The following PSMD1 variants were observed in gnomAD, a reference collection of about 807,000 sequenced individuals.
The protein encoded by PSMD1 is proteasome 26S subunit, non-ATPase 1.
PSMD1 carries 18 observed loss-of-function variants against 119.0 expected under a neutral mutation model. The ratio of observed to expected loss-of-function variants is 0.15; its 90% CI spans 0.10 to 0.22. The LOEUF (loss-of-function observed/expected upper bound fraction) is 0.22, where lower values mean the gene tolerates loss of function less well. Ranked by LOEUF, PSMD1 falls within the 10% of genes least tolerant of loss-of-function variation. The probability of loss-of-function intolerance (pLI) is 1.00; values close to 1 mark genes in which losing one functional copy is unlikely to be tolerated. For missense variants in PSMD1, 702 were observed against 1,158.5 expected (o/e 0.61, Z 5.72); for synonymous variants, 374 against 396.6 (o/e 0.94, Z 0.68).
At chr2:231,103,451 C>T (rs1481235340) in intron 16 of PSMD1, among the ~76,000 whole-genome samples, 1 of 152,160 alleles carries the variant, frequency 6.6e-6, no homozygotes, top group Non-Finnish European at 1.5e-5. Context: ...ATAGAAGTGT[C>T]CAGTGTTCTT....
Position 231,078,645 on chromosome 2 carries a change from A to T in PSMD1, c.1072-14A>T. ...TTTGCCAGTGATGAAACAATTCTGT[A>T]TTTGTTGTTGCAGGATGCAGTACGG... On this transcript the variant is annotated splice_polypyrimidine_tract_variant and intron_variant, in intron 9 of 24. Coordinates refer to ENST00000308696, the MANE Select transcript of PSMD1 (RefSeq NM_002807.4). 1 of 1,591,616 alleles carries T rather than the reference A, an allele frequency of 6.3e-7. No individual in the cohort carries two copies. The highest frequency in any genetic ancestry group is 8.5e-7 in the Non-Finnish European group (1 of 1,170,602).
chr2:231,088,910 A>G (rs1694518708), intron 16 of PSMD1, among the ~76,000 whole-genome samples: 1 of 152,240 alleles, frequency 6.6e-6, no homozygotes, highest in Non-Finnish European at 1.5e-5. Flanking sequence ...TTGTGAATGC[A>G]AAGAAAAAGT....
intron 19 of PSMD1, among the ~76,000 whole-genome samples, chr2:231,158,622 A>G (rs565753055): frequency 6.6e-6 from 1 of 152,338 alleles, no homozygotes; most frequent in South Asian, 2.1e-4. Flanking sequence ...CACGTTAGCT[A>G]GGCATCGTTT....
chr2:231,062,137 A>T, intron 2 of PSMD1, 111 bp from the exon 3 acceptor site: 1 of 667,638 alleles, frequency 1.5e-6, no homozygotes, highest in Non-Finnish European at 2.6e-6. Flanking sequence ...ATAGAGTAAA[A>T]GTTTGAGTAA....
rs770705671 is a variant in PSMD1, at chr2:231,077,075, T to C, written c.984T>C (p.Ile328=). The change falls in exon 9 of 25, where the codon ATT becomes ATC. Residue 328 remains isoleucine (I), a synonymous_variant. Coordinates refer to ENST00000308696, the MANE Select transcript of PSMD1 (RefSeq NM_002807.4). ...ACCAGACTTTGAAAATGATTAAAAT[T>C]TTAAGTGGTGAAATGGCTATTGAGT... The part of the protein sequence containing the change: ...PKDQTLKMIK[I]LSGEMAIELH... 1.2e-6 allele frequency: 2 copies of C among 1,607,596 alleles called. No homozygotes were observed. The highest frequency in any genetic ancestry group is 1.1e-5 in the South Asian group (1 of 89,902).
intron 17 of PSMD1, among the ~76,000 whole-genome samples, chr2:231,144,692 GCACA>G (rs1696213042): frequency 1.3e-5 from 2 of 152,070 alleles, no homozygotes; most frequent in Non-Finnish European, 1.5e-5. Flanking sequence ...GGGATTACAG[GCACA>G]AGCCACCACG....
At chr2:231,071,968 T>C (rs745754758) in intron 6 of PSMD1, among the ~76,000 whole-genome samples, 9 of 152,222 alleles carry the variant, frequency 5.9e-5, no homozygotes, top group Non-Finnish European at 1.0e-4. Context: ...TTAAGAGTTA[T>C]AAATATAATT....
chr2:231,075,749 A>G (rs1006772535), intron 8 of PSMD1, among the ~76,000 whole-genome samples, 178 bp downstream of exon 8: 3 of 152,030 alleles, frequency 2.0e-5, no homozygotes, highest in African/African-American at 7.2e-5. Context: ...ACGCCTGGCT[A>G]AGTTTTGTAT....
At chr2:231,057,625 C>T (rs921425884) in intron 1 of PSMD1, among the ~76,000 whole-genome samples, 12 of 152,178 alleles carry the variant, frequency 7.9e-5, no homozygotes, top group African/African-American at 2.9e-4. Context: ...CTAAAGACGC[C>T]CTGGAGATAC....
At chr2:231,068,875 T>G (rs546564054) in intron 5 of PSMD1, among the ~76,000 whole-genome samples, 1 of 152,176 alleles carries the variant, frequency 6.6e-6, no homozygotes, top group Non-Finnish European at 1.5e-5. Flanking sequence ...AATTCCCAAC[T>G]TAATAAGGAA....
At chr2:231,141,155 A>G (rs1696098559) in intron 17 of PSMD1, among the ~76,000 whole-genome samples, 1 of 152,038 alleles carries the variant, frequency 6.6e-6, no homozygotes, top group Admixed American at 6.6e-5. Flanking sequence ...TAAAAATACA[A>G]AAAATTAGTG....
At position 231,170,730 on chromosome 2, in the gene PSMD1, G is replaced by C; in HGVS notation, c.*9+9G>C. ...ATGATTAAGGGCCAGAGGTGCGTGT[G>C]CAACAAAATTATGAAGGGAAACTTC... On this transcript the variant is annotated intron_variant, in intron 24 of 24. Coordinates refer to ENST00000308696, the MANE Select transcript of PSMD1 (RefSeq NM_002807.4). This position sits in a 1 kb window ranked among gnomAD's most constrained non-coding sequence, Gnocchi z 4.1. 1 of 1,566,040 alleles carries C rather than the reference G, an allele frequency of 6.4e-7. No homozygotes were observed. Among genetic ancestry groups the C allele is most frequent in the Non-Finnish European group, 8.6e-7 (1 of 1,157,036 alleles).
At chr2:231,066,605 C>G (rs1462440711) in intron 4 of PSMD1, among the ~76,000 whole-genome samples, 2 of 152,162 alleles carry the variant, frequency 1.3e-5, no homozygotes, top group East Asian at 1.9e-4. Flanking sequence ...CGTTGAACTC[C>G]TGGGCTCATG....
intron 14 of PSMD1, 139 bp downstream of exon 14, chr2:231,083,902 C>G (rs1694372619): frequency 1.2e-6 from 1 of 813,984 alleles, no homozygotes; most frequent in South Asian, 1.8e-5. Flanking sequence ...TATATGAAGC[C>G]TAATAGAATT....
At chr2:231,078,904 C>G (rs1559221791) in intron 10 of PSMD1, among the ~76,000 whole-genome samples, 157 bp downstream of exon 10, 1 of 145,476 alleles carries the variant, frequency 6.9e-6, no homozygotes, top group Non-Finnish European at 1.5e-5. Flanking sequence ...AGGCGATTCT[C>G]CTGCCTCAGC....
chr2:231,161,634 T>C, intron 20 of PSMD1, 125 bp downstream of exon 20: 1 of 1,088,068 alleles, frequency 9.2e-7, no homozygotes. Context: ...AATAACATTT[T>C]CCCTTCAAGT....
At chr2:231,109,222 C>G (rs1262760717) in intron 16 of PSMD1, 1 of 1,614,166 alleles carries the variant, frequency 6.2e-7, no homozygotes, top group South Asian at 1.1e-5. Context: ...CTAAGTAAGC[C>G]TTCTTCTGTA....
intron 16 of PSMD1, among the ~76,000 whole-genome samples, chr2:231,132,965 A>T (rs1334651708): frequency 6.6e-6 from 1 of 152,198 alleles, no homozygotes. Context: ...TATGTCAATG[A>T]ATTGTCATGG....
At position 231,153,674 on chromosome 2, in the gene PSMD1, T is replaced by A. The variant is rs1200186245; in HGVS notation, c.2218+8T>A. The A allele has an allele frequency of 6.5e-7, 1 of 1,540,900 alleles. No homozygotes were observed. Among genetic ancestry groups the A allele is most frequent in the Non-Finnish European group, 8.9e-7 (1 of 1,121,072 alleles). On this transcript the variant is annotated splice_region_variant and intron_variant, in intron 19 of 24. Coordinates refer to ENST00000308696, the MANE Select transcript of PSMD1 (RefSeq NM_002807.4). ...AGGGCATACTGGATGCAGGTAAATG[T>A]TTTTAAGTCTTCAAGATTTATTTAT...
Sources: gnomAD v4.1 joint callset for allele counts (sites outside exome capture counted in the v4.1 genomes callset) on GRCh38, gnomAD v4.1.1 for gene constraint, Gnocchi (gnomAD v3.1) non-coding constraint, MANE v1.5 for transcripts, NCBI Gene and HGNC (gene_info 2026-07-23, HGNC 2026-07-21) for gene names.